Variants in NTF3 observed in about 807,000 individuals in gnomAD.
NTF3 encodes neurotrophin-3.
A neutral mutation model predicts 26.3 loss-of-function variants in NTF3; 8 were observed. The observed-to-expected ratio is 0.30, with a 90% CI of 0.18 to 0.55. NTF3 has a LOEUF of 0.55. Ranked by LOEUF, NTF3 falls within the 20% of genes least tolerant of loss-of-function variation. The pLI, the probability that NTF3 is intolerant of heterozygous loss-of-function variation, is 0.93. For missense variants in NTF3, 276 were observed against 352.9 expected (o/e 0.78, Z 1.75); for synonymous variants, 154 against 145.5 (o/e 1.06, Z -0.42).
At chr12:5,438,911 T>C (rs926621034) in intron 1 of NTF3, among the ~76,000 whole-genome samples, 1 of 152,232 alleles carries the variant, frequency 6.6e-6, no homozygotes, top group African/African-American at 2.4e-5. Context: ...TCAGTGCTAA[T>C]TACCTCACTT....
intron 1 of NTF3, among the ~76,000 whole-genome samples, chr12:5,491,716 C>CTTTTT (rs5796156): frequency 1.7e-4 from 17 of 98,252 alleles, no homozygotes; most frequent in East Asian, 2.8e-4. Context: ...CTCTCCTCTT[C>CTTTTT]TTTTTTTTTT....
At position 5,452,139 on chromosome 12, in the gene NTF3, G is replaced by T. The variant is rs79079458; in HGVS notation, c.18+19797G>T. On this transcript the variant is annotated intron_variant, in intron 1 of 1. Transcript: ENST00000423158. The stretch of plus-strand genomic sequence containing the variant: ...GTTGACGGAGTCTCACTCTCTTGCC[G>T]GGCTGGAAGGCAGTGGCGCAATCTC... Among the ~76,000 whole-genome samples, 8 of 147,914 alleles carry T rather than the reference G, an allele frequency of 5.4e-5. No homozygotes were observed. The South Asian group carries it at 1.1e-3, about 20-fold the overall frequency.
Position 5,495,233 on chromosome 12 carries a change from A to ACAC in NTF3, c.*248_*250dup. 1 of 484,636 alleles carries ACAC rather than the reference A, an allele frequency of 2.1e-6. No individual in the cohort carries two copies. Among genetic ancestry groups the ACAC allele is most frequent in the South Asian group, 2.7e-5 (1 of 36,596 alleles). 30.0% of individuals were successfully genotyped at this position (484,636 alleles called of 1,614,324 possible). On this transcript the variant is annotated 3_prime_UTR_variant, in exon 2 of 2. Coordinates refer to ENST00000423158, the MANE Select transcript of NTF3 (RefSeq NM_001102654.2). ...AGGAGTCACTCTGTAAAATCTGTGT[A>ACAC]CACCAGTATTTTGCATTCAGTATTG...
At chr12:5,435,384 G>A (rs1940154152) in intron 1 of NTF3, among the ~76,000 whole-genome samples, 1 of 152,210 alleles carries the variant, frequency 6.6e-6, no homozygotes, top group Non-Finnish European at 1.5e-5. Context: ...GCCAGAAATA[G>A]ACAGAGCTCG....
At chr12:5,473,342 G>A (rs754273337) in intron 1 of NTF3, among the ~76,000 whole-genome samples, 3 of 152,176 alleles carry the variant, frequency 2.0e-5, no homozygotes, top group Admixed American at 6.5e-5. Flanking sequence ...CTTGAAATCC[G>A]GTAGTTACCT....
chr12:5,463,393 T>A (rs1015191745), intron 1 of NTF3, among the ~76,000 whole-genome samples: 1 of 151,896 alleles, frequency 6.6e-6, no homozygotes. Context: ...CAAGGTAAAA[T>A]AGAAGAGCTA....
chr12:5,474,315 G>A (rs1382048553), intron 1 of NTF3, among the ~76,000 whole-genome samples: 3 of 152,230 alleles, frequency 2.0e-5, no homozygotes, highest in Non-Finnish European at 2.9e-5. Context: ...AAAAGAATGC[G>A]GTAAGTGCTG....
chr12:5,486,880 GGTGTGTGTGT>G lies in NTF3; in HGVS notation c.19-7283_19-7274del, dbSNP rs10527557. ...CCATCCTCACCTCAGGTAGTTACGT[GGTGTGTGTGT>G]GTGTGTGTGTGTGTGTGTGTGTGTG... is the stretch of plus-strand genomic sequence containing the variant. On this transcript the variant is annotated intron_variant, in intron 1 of 1. Coordinates refer to ENST00000423158, the MANE Select transcript of NTF3 (RefSeq NM_001102654.2). Among the ~76,000 whole-genome samples, 515 of 148,672 alleles carry G rather than the reference GGTGTGTGTGT, an allele frequency of 3.5e-3. 2 individuals carry two copies. The highest frequency in any genetic ancestry group is 6.9e-3 in the Middle Eastern group (2 of 290).
chr12:5,471,540 G>A (rs1940666886), intron 1 of NTF3, among the ~76,000 whole-genome samples: 1 of 152,174 alleles, frequency 6.6e-6, no homozygotes, highest in Non-Finnish European at 1.5e-5. Context: ...CTCAGGAGAG[G>A]CAGCTTCGGT....
At chr12:5,435,976 G>A (rs1331315601) in intron 1 of NTF3, among the ~76,000 whole-genome samples, 1 of 152,112 alleles carries the variant, frequency 6.6e-6, no homozygotes, top group Non-Finnish European at 1.5e-5. Flanking sequence ...GTCTGGGGAA[G>A]GATAAAAATT....
Position 5,494,847 on chromosome 12 carries a change from A to G in NTF3, c.672A>G (p.Lys224=). 1 of 1,614,124 alleles carries G rather than the reference A, an allele frequency of 6.2e-7. No individual in the cohort carries two copies. The change falls in exon 2 of 2, where the codon AAA becomes AAG. Residue 224 remains lysine (K), a synonymous_variant. Coordinates refer to ENST00000423158, the MANE Select transcript of NTF3 (RefSeq NM_001102654.2). The surrounding 1 kb of genome is among the most constrained non-coding windows in gnomAD (Gnocchi z 8.3). ...ACGGTTGCAGGGGTATTGATGATAA[A>G]CACTGGAACTCTCAGTGCAAAACAT... ...VKNGCRGIDD[K]HWNSQCKTSQ...
chr12:5,459,105 C>T (rs1175055812), intron 1 of NTF3, among the ~76,000 whole-genome samples: 2 of 152,154 alleles, frequency 1.3e-5, no homozygotes, highest in African/African-American at 2.4e-5. Context: ...CCATTTTTCC[C>T]CTGGTGAGCA....
At chr12:5,440,600 G>T (rs1310933075) in intron 1 of NTF3, among the ~76,000 whole-genome samples, 3 of 152,220 alleles carry the variant, frequency 2.0e-5, no homozygotes, top group South Asian at 2.1e-4. Context: ...GTGTCCCATG[G>T]TGGGGAAGAA....
At chr12:5,489,769 G>T (rs897504527) in intron 1 of NTF3, among the ~76,000 whole-genome samples, 1 of 152,188 alleles carries the variant, frequency 6.6e-6, no homozygotes, top group Non-Finnish European at 1.5e-5. Context: ...CAGGGCAGAC[G>T]CAGGTTGCTG....
chr12:5,436,806 C>T (rs1364880944), intron 1 of NTF3, among the ~76,000 whole-genome samples: 10 of 152,170 alleles, frequency 6.6e-5, no homozygotes. Flanking sequence ...GCAGCCAAAC[C>T]TAGATTATAG....
chr12:5,458,682 T>G (rs567174117), intron 1 of NTF3, among the ~76,000 whole-genome samples: 1 of 152,236 alleles, frequency 6.6e-6, no homozygotes, highest in Non-Finnish European at 1.5e-5. Context: ...CTCATTCACT[T>G]TGGCAAATGT....
At chr12:5,470,234 AT>A (rs1940648093) in intron 1 of NTF3, among the ~76,000 whole-genome samples, 1 of 152,130 alleles carries the variant, frequency 6.6e-6, no homozygotes, top group East Asian at 1.9e-4. Flanking sequence ...TCCTGAGCTC[AT>A]TTTAAGAGAG....
chr12:5,431,705 G>C (rs1176371063), upstream of NTF3, among the ~76,000 whole-genome samples: 2 of 151,954 alleles, frequency 1.3e-5, no homozygotes, highest in African/African-American at 4.8e-5. Flanking sequence ...AATCTTGAAA[G>C]AAAAAAGATC....
At chr12:5,445,672 G>A (rs1028874098) in intron 1 of NTF3, among the ~76,000 whole-genome samples, 1 of 152,198 alleles carries the variant, frequency 6.6e-6, no homozygotes, top group African/African-American at 2.4e-5. Flanking sequence ...AAATTTGAAT[G>A]TCTAGGGTTG....
Sources: gnomAD v4.1 joint callset for allele counts (sites outside exome capture counted in the v4.1 genomes callset) on GRCh38, gnomAD v4.1.1 for gene constraint, Gnocchi (gnomAD v3.1) non-coding constraint, MANE v1.5 for transcripts, NCBI Gene and HGNC (gene_info 2026-07-23, HGNC 2026-07-21) for gene names.